The following NPTN variants were observed in gnomAD, a reference collection of about 807,000 sequenced individuals.
NPTN encodes the protein neuroplastin, also known as SDR-1.
In NPTN, 5 loss-of-function variants were observed where a neutral mutation model predicts 42.7. That is an observed-to-expected ratio of 0.12 (90% CI 0.06 to 0.25). The LOEUF (loss-of-function observed/expected upper bound fraction) is 0.25. NPTN is among the 10% of genes least tolerant of loss of function. The pLI, the probability that NPTN is intolerant of heterozygous loss-of-function variation, is 1.00. For synonymous variants in NPTN, 180 were observed against 201.9 expected (o/e 0.89, Z 0.92); for missense variants, 307 against 525.4 (o/e 0.58, Z 4.06).
chr15:73,607,524 G>A lies in NPTN; in HGVS notation c.92-10155C>T, dbSNP rs148918882. On this transcript the variant is annotated intron_variant, in intron 1 of 8. Transcript: ENST00000345330. Reference sequence around the variant, plus strand: ...CTAGAAGACATTTTAACTGAAAGAGGTAGTAAGCTACTTCTCCCCACCTTT... The same window carrying A: ...CTAGAAGACATTTTAACTGAAAGAGATAGTAAGCTACTTCTCCCCACCTTT... Among the ~76,000 whole-genome samples, 232 of 152,222 alleles carry A rather than the reference G, an allele frequency of 1.5e-3. 1 individual carries two copies. Among genetic ancestry groups the A allele is most frequent in the Admixed American group, 0.012 (189 of 15,296 alleles).
At chr15:73,600,896 C>T (rs756959754) in intron 1 of NPTN, among the ~76,000 whole-genome samples, 20 of 152,122 alleles carry the variant, frequency 1.3e-4, no homozygotes, top group Non-Finnish European at 2.6e-4. Flanking sequence ...GGCAAGACTG[C>T]CTCTAGTTCT....
At chr15:73,585,838 A>G (rs1896292798) in intron 4 of NPTN, among the ~76,000 whole-genome samples, 1 of 152,212 alleles carries the variant, frequency 6.6e-6, no homozygotes, top group African/African-American at 2.4e-5. Flanking sequence ...AGCACCTTGA[A>G]TATAACACGT....
rs1895218583 is a variant in NPTN, at chr15:73,569,094, C to T, written c.1114+1056G>A. ...AGCTGGACTACAGCTGGCAACCCCA[C>T]CATCACCCCGGGTAGGCTACCACTG... On this transcript the variant is annotated intron_variant, in intron 6 of 8. Coordinates refer to ENST00000345330, the MANE Select transcript of NPTN (RefSeq NM_012428.4). This position sits in a 1 kb window ranked among gnomAD's most constrained non-coding sequence, Gnocchi z 4.1. 2 of 985,706 alleles carry T rather than the reference C, an allele frequency of 2.0e-6. No homozygotes were observed. Among genetic ancestry groups the T allele is most frequent in the South Asian group, 4.7e-5 (1 of 21,306 alleles). 61.1% of individuals were successfully genotyped at this position (985,706 alleles called of 1,614,324 possible).
chr15:73,576,517 T>C (rs1305577416), intron 4 of NPTN, among the ~76,000 whole-genome samples: 18 of 152,056 alleles, frequency 1.2e-4, no homozygotes, highest in Admixed American at 5.2e-4. Flanking sequence ...TTAGTAGAGA[T>C]GGGGTTTCAC....
rs979148506 is a variant in NPTN, at chr15:73,587,422, C to T, written c.706+102G>A. On this transcript the variant is annotated intron_variant, in intron 4 of 8. Coordinates refer to ENST00000345330, the MANE Select transcript of NPTN (RefSeq NM_012428.4). ...CTAACCACAACATTATATTGTGTCT[C>T]GACATGGAAAGAAGAGGAGCTTGAA... The T allele has an allele frequency of 6.1e-6, 5 of 821,696 alleles. No homozygotes were observed. The South Asian group carries it at 6.1e-5, about 10-fold the overall frequency. The allele number at this position is 821,696 out of a possible 1,614,324, so 50.9% of individuals were successfully genotyped here.
intron 1 of NPTN, among the ~76,000 whole-genome samples, chr15:73,623,036 T>G (rs1365608021): frequency 6.6e-6 from 1 of 152,164 alleles, no homozygotes; most frequent in Non-Finnish European, 1.5e-5. Context: ...GTCTTAGGAG[T>G]TAGGATGAAA....
At chr15:73,564,148 CAG>C (rs893446939) in intron 6 of NPTN, among the ~76,000 whole-genome samples, 7 of 152,286 alleles carry the variant, frequency 4.6e-5, no homozygotes, top group East Asian at 1.9e-4. Flanking sequence ...TACACATTCA[CAG>C]AGAGAGAATG....
At chr15:73,626,355 TAGATTTCAAAAC>T (rs1487180765) in intron 1 of NPTN, among the ~76,000 whole-genome samples, 2 of 152,218 alleles carry the variant, frequency 1.3e-5, no homozygotes, top group Non-Finnish European at 2.9e-5. Context: ...TAGAGGCATT[TAGATTTCAAAAC>T]AGTGCATGCC....
intron 1 of NPTN, among the ~76,000 whole-genome samples, chr15:73,627,810 GTA>G (rs1193701538): frequency 1.3e-5 from 2 of 152,072 alleles, no homozygotes; most frequent in African/African-American, 4.8e-5. Flanking sequence ...TTTTACTTGT[GTA>G]TTCACTCTTT....
At chr15:73,587,281 T>G (rs1021666830) in intron 4 of NPTN, among the ~76,000 whole-genome samples, 51 of 152,316 alleles carry the variant, frequency 3.3e-4, no homozygotes, top group African/African-American at 1.2e-3. Flanking sequence ...GATATCCTCA[T>G]TTTAAAAATG....
intron 1 of NPTN, among the ~76,000 whole-genome samples, chr15:73,630,882 A>C (rs1898701802): frequency 6.6e-6 from 1 of 152,240 alleles, no homozygotes; most frequent in Non-Finnish European, 1.5e-5. Context: ...AGAAAGCTAT[A>C]AAATGGCATC....
At chr15:73,590,400 C>T (rs1896526658) in intron 3 of NPTN, among the ~76,000 whole-genome samples, 1 of 152,052 alleles carries the variant, frequency 6.6e-6, no homozygotes, top group Admixed American at 6.6e-5. Context: ...CAGCACTTTG[C>T]AGGCAATAGT....
intron 1 of NPTN, among the ~76,000 whole-genome samples, chr15:73,627,579 G>A (rs1898483179): frequency 6.6e-6 from 1 of 152,118 alleles, no homozygotes; most frequent in African/African-American, 2.4e-5. Context: ...TAAATATTTA[G>A]AAAACCCCAT....
rs78876466 is a variant in NPTN at position 73,608,822 on chromosome 15, A to G, written c.92-11453T>C. On this transcript the variant is annotated intron_variant, in intron 1 of 8. Coordinates refer to ENST00000345330, the MANE Select transcript of NPTN (RefSeq NM_012428.4). ...CAGACATGAGAAATGTTTACAAGATAGAATCAAATGAACTTATTGACGTGG... is the reference window on the plus strand; with the variant it reads ...CAGACATGAGAAATGTTTACAAGATGGAATCAAATGAACTTATTGACGTGG... Among the ~76,000 whole-genome samples the G allele has an allele frequency of 4.5e-3, 693 of 152,340 alleles. 8 individuals carry two copies. The highest frequency in any genetic ancestry group is 0.016 in the African/African-American group (663 of 41,572).
chr15:73,562,025 GTA>G (rs1894704632), intron 7 of NPTN, 55 bp from the exon 8 acceptor site: 1 of 1,297,446 alleles, frequency 7.7e-7, no homozygotes, highest in South Asian at 1.3e-5. Flanking sequence ...ACTTTTCAAA[GTA>G]TAACACATGG....
At chr15:73,574,842 G>C (rs772376593) in intron 4 of NPTN, among the ~76,000 whole-genome samples, 2 of 152,186 alleles carry the variant, frequency 1.3e-5, no homozygotes, top group Non-Finnish European at 2.9e-5. Context: ...TATTTATAGG[G>C]ATCACTTAGG....
chr15:73,605,656 A>G (rs1207760614), intron 1 of NPTN, among the ~76,000 whole-genome samples: 1 of 146,402 alleles, frequency 6.8e-6, no homozygotes. Flanking sequence ...TGAACCCAGG[A>G]GGGGAGGTTG....
At chr15:73,598,291 C>A (rs1209276744) in intron 1 of NPTN, among the ~76,000 whole-genome samples, 1 of 152,022 alleles carries the variant, frequency 6.6e-6, no homozygotes, top group Non-Finnish European at 1.5e-5. Flanking sequence ...CTTCTAGAAG[C>A]CAGCTCAGAA....
At chr15:73,609,117 G>A (rs906231352) in intron 1 of NPTN, among the ~76,000 whole-genome samples, 7 of 152,182 alleles carry the variant, frequency 4.6e-5, no homozygotes, top group Admixed American at 1.3e-4. Flanking sequence ...TGAATGCAAT[G>A]CACTTTCACT....
Sources: allele counts gnomAD v4.1 joint callset (sites outside exome capture counted in the v4.1 genomes callset), GRCh38; gene constraint gnomAD v4.1.1; non-coding constraint Gnocchi (gnomAD v3.1); transcripts MANE v1.5; gene names NCBI Gene and HGNC (gene_info 2026-07-23, HGNC 2026-07-21).